The following BIN1 variants were observed in gnomAD, a reference collection of about 807,000 sequenced individuals.
BIN1 encodes bridging integrator 1.
In BIN1, 53 loss-of-function variants were observed where a neutral mutation model predicts 82.0. The observed-to-expected ratio is 0.65, with a 90% CI of 0.52 to 0.81. The LOEUF (loss-of-function observed/expected upper bound fraction) is 0.81. Ranked by LOEUF, BIN1 falls within the 40% of genes least tolerant of loss-of-function variation. The pLI is 0.00. For synonymous variants in BIN1, 302 were observed against 328.0 expected, an observed-to-expected ratio of 0.92 and a Z score of 0.86; for missense variants, 642 against 784.4, an observed-to-expected ratio of 0.82 and a Z score of 2.17.
chr2:127,092,900 C>T (rs966520681), intron 1 of BIN1, among the ~76,000 whole-genome samples: 10 of 152,128 alleles, frequency 6.6e-5, no homozygotes, highest in African/African-American at 1.9e-4. Context: ...CTGCACTGTC[C>T]CCTCCTCCCC....
At chr2:127,069,707 T>C (rs1685617057) in intron 5 of BIN1, among the ~76,000 whole-genome samples, 1 of 148,416 alleles carries the variant, frequency 6.7e-6, no homozygotes, top group Non-Finnish European at 1.5e-5. Flanking sequence ...CCTTCCACAA[T>C]CATATAGCCA....
chr2:127,086,900 C>T (rs551680624), intron 1 of BIN1, among the ~76,000 whole-genome samples: 17 of 152,270 alleles, frequency 1.1e-4, no homozygotes, highest in Non-Finnish European at 2.1e-4. Context: ...CCCCATGCTC[C>T]GTCCCCTGAC....
At chr2:127,073,688 T>C (rs1686226643) in intron 2 of BIN1, among the ~76,000 whole-genome samples, 1 of 152,192 alleles carries the variant, frequency 6.6e-6, no homozygotes, top group Non-Finnish European at 1.5e-5. Context: ...GGGATGCCCA[T>C]TTTGAGCAAA....
chr2:127,070,122 A>G (rs774882778), intron 4 of BIN1, 32 bp from the exon 5 acceptor site: 9 of 1,599,824 alleles, frequency 5.6e-6, no homozygotes, highest in Non-Finnish European at 6.8e-6. Context: ...CAGTGCCACC[A>G]GGAGGGCTGG....
chr2:127,069,061 G>T (rs1245622217), intron 5 of BIN1, 30 bp from the exon 6 acceptor site: 2 of 1,604,044 alleles, frequency 1.2e-6, no homozygotes, highest in East Asian at 2.2e-5. Context: ...GCACTAAGCG[G>T]GGCCTGGCAC....
chr2:127,071,502 T>G (rs891942701), intron 2 of BIN1, among the ~76,000 whole-genome samples: 2 of 151,196 alleles, frequency 1.3e-5, no homozygotes, highest in Non-Finnish European at 3.0e-5. Context: ...GCAGGGAGAG[T>G]GTCCTCCAGG....
At chr2:127,072,588 A>T (rs115009321) in intron 2 of BIN1, among the ~76,000 whole-genome samples, 3,803 of 151,844 alleles carry the variant, frequency 0.025, 71 homozygotes, top group Middle Eastern at 0.041. Flanking sequence ...TCAGAGCAGC[A>T]CATAAGATGT....
At position 127,067,813 on chromosome 2, in the gene BIN1, C is replaced by T. The variant is rs993524052; in HGVS notation, c.612+350G>A. ...AAGGACAGGCATGGCAGTACAGGGG[C>T]CTGATGATGTCGCCTCCCTCCCCAG... On this transcript the variant is annotated intron_variant, in intron 7 of 18. Transcript: ENST00000316724. This position sits in a 1 kb window ranked among gnomAD's most constrained non-coding sequence, Gnocchi z 4.7. 6.6e-6 allele frequency among the ~76,000 whole-genome samples: 1 copy of T among 152,166 alleles called. No individual in the cohort carries two copies. Among genetic ancestry groups the T allele is most frequent in the Non-Finnish European group, 1.5e-5 (1 of 68,040 alleles).
At chr2:127,051,601 C>G (rs1028502746) in intron 15 of BIN1, among the ~76,000 whole-genome samples, 1 of 152,210 alleles carries the variant, frequency 6.6e-6, no homozygotes, top group African/African-American at 2.4e-5. Context: ...GCCCACCCTG[C>G]TTGACCCGGC....
intron 10 of BIN1, among the ~76,000 whole-genome samples, chr2:127,061,725 G>A (rs1325202023): frequency 6.6e-6 from 1 of 152,146 alleles, no homozygotes; most frequent in African/African-American, 2.4e-5. Context: ...GGAGAGGGAA[G>A]GGCGGTGCTA....
At chr2:127,077,914 G>C (rs1217178662) in intron 1 of BIN1, among the ~76,000 whole-genome samples, 1 of 152,214 alleles carries the variant, frequency 6.6e-6, no homozygotes, top group Non-Finnish European at 1.5e-5. Flanking sequence ...TAGGGGATGG[G>C]AGTGGAAAGC....
chr2:127,081,460 C>T (rs1397987062), intron 1 of BIN1, among the ~76,000 whole-genome samples: 2 of 152,198 alleles, frequency 1.3e-5, no homozygotes, highest in Admixed American at 1.3e-4. Context: ...TCTGATCCCT[C>T]CCTCGGCCCC....
In BIN1 at chr2:127,067,509, G is replaced by A; in HGVS notation, c.612+654C>T. The stretch of plus-strand genomic sequence containing the variant: ...AGCCCCCCAGGAACACTGTGGTGCT[G>A]GTCACTTGCCCTCCATGAATCCCCA... On this transcript the variant is annotated intron_variant, in intron 7 of 18. Coordinates refer to ENST00000316724, the MANE Select transcript of BIN1 (RefSeq NM_139343.3). The surrounding 1 kb of genome is among the most constrained non-coding windows in gnomAD (Gnocchi z 4.7). Among the ~76,000 whole-genome samples, 1 of 152,160 alleles carries A rather than the reference G, an allele frequency of 6.6e-6. No homozygotes were observed. Among genetic ancestry groups the A allele is most frequent in the East Asian group, 1.9e-4 (1 of 5,186 alleles).
rs534663022 is a variant in BIN1, at chr2:127,048,335, G to A, written c.*191C>T. ...TTCAGGAACACTGGTGAATTCCGCCGGACTTGCCGGGACGCGGCTCTTTGG... is the reference window on the plus strand; with the variant it reads ...TTCAGGAACACTGGTGAATTCCGCCAGACTTGCCGGGACGCGGCTCTTTGG... On this transcript the variant is annotated 3_prime_UTR_variant, in exon 19 of 19. Transcript: ENST00000316724. The A allele has an allele frequency of 1.4e-4, 86 of 600,708 alleles. No homozygotes were observed. Among genetic ancestry groups the A allele is most frequent in the Middle Eastern group, 4.4e-4 (1 of 2,266 alleles). 37.2% of individuals were successfully genotyped at this position (600,708 alleles called of 1,614,324 possible). A position where few individuals can be genotyped will look rare whatever the true frequency, so the allele number is the denominator to read the frequency against.
In BIN1 at chr2:127,063,723, C is replaced by T. The variant is rs188285398; in HGVS notation, c.699-77G>A. 193 of 1,495,610 alleles carry T rather than the reference C, an allele frequency of 1.3e-4. 3 individuals carry two copies. The East Asian group carries it at 3.2e-3, about 25-fold the overall frequency. 92.6% of individuals were successfully genotyped at this position (1,495,610 alleles called of 1,614,324 possible). ...CAACTCAGAAATACCCACCCACGAG[C>T]GACCACACACGCTCATCAGAGGCAC... On this transcript the variant is annotated intron_variant, in intron 8 of 18. Coordinates refer to ENST00000316724, the MANE Select transcript of BIN1 (RefSeq NM_139343.3).
rs769454297 is a variant in BIN1, at chr2:127,068,896, G to T, written c.519+28C>A. 1.9e-6 allele frequency: 3 copies of T among 1,595,860 alleles called. No homozygotes were observed. In the African/African-American group the frequency reaches 4.0e-5, roughly 21 times the overall value. On this transcript the variant is annotated intron_variant, in intron 6 of 18. Coordinates refer to ENST00000316724, the MANE Select transcript of BIN1 (RefSeq NM_139343.3). The surrounding 1 kb of genome is among the most constrained non-coding windows in gnomAD (Gnocchi z 4.9). ...CGCCCTCTCTCAGCCCCCTGCAGACGCTGCCCCGACCCGCCTCCAGCCCTT... is the reference window on the plus strand; with the variant it reads ...CGCCCTCTCTCAGCCCCCTGCAGACTCTGCCCCGACCCGCCTCCAGCCCTT...
rs759207011 is a variant in BIN1 at position 127,059,733 on chromosome 2, G to A, written c.858-578C>T. On this transcript the variant is annotated intron_variant, in intron 10 of 18. Coordinates refer to ENST00000316724, the MANE Select transcript of BIN1 (RefSeq NM_139343.3). The surrounding 1 kb of genome is among the most constrained non-coding windows in gnomAD (Gnocchi z 6.7). ...AGGGCCTGGACAAACTAAGAGAGGC[G>A]TCCTCATCACAGAGGAGTGGGCAGC... 5.9e-5 allele frequency among the ~76,000 whole-genome samples: 9 copies of A among 152,130 alleles called. No homozygotes were observed. Among genetic ancestry groups the A allele is most frequent in the Non-Finnish European group, 8.8e-5 (6 of 68,030 alleles).
At position 127,048,382 on chromosome 2, in the gene BIN1, G is replaced by T; in HGVS notation, c.*144C>A. On this transcript the variant is annotated 3_prime_UTR_variant, in exon 19 of 19. Transcript: ENST00000316724. ...TTGGAAAACGACCTAATCTTTGGGA[G>T]AACGCCCCTCTGCCTGGGGGTCTCC... 1 of 753,232 alleles carries T rather than the reference G, an allele frequency of 1.3e-6. No individual in the cohort carries two copies. The highest frequency in any genetic ancestry group is 2.2e-6 in the Non-Finnish European group (1 of 454,686). 46.7% of individuals were successfully genotyped at this position (753,232 alleles called of 1,614,324 possible).
chr2:127,052,668 C>T (rs909888407), intron 14 of BIN1: 23 of 425,580 alleles, frequency 5.4e-5, no homozygotes, highest in South Asian at 5.2e-5. Flanking sequence ...GGAAATCCTG[C>T]GGTGGAGCCT....
Sources: allele counts gnomAD v4.1 joint callset (sites outside exome capture counted in the v4.1 genomes callset), GRCh38; gene constraint gnomAD v4.1.1; non-coding constraint Gnocchi (gnomAD v3.1); transcripts MANE v1.5; gene names NCBI Gene and HGNC (gene_info 2026-07-23, HGNC 2026-07-21).